Variants in FNIP1 observed in about 807,000 individuals in gnomAD.
FNIP1 encodes the protein folliculin-interacting protein 1.
FNIP1 carries 40 observed loss-of-function variants against 124.5 expected under a neutral mutation model. The observed-to-expected ratio is 0.32, with a 90% confidence interval of 0.25 to 0.42. The LOEUF is 0.42. Ranked by LOEUF, FNIP1 falls within the 10% of genes least tolerant of loss-of-function variation. The probability of loss-of-function intolerance (pLI) is 1.00; values close to 1 mark genes in which losing one functional copy is unlikely to be tolerated. For synonymous variants in FNIP1, 472 were observed against 470.6 expected (o/e 1.00, Z -0.04); for missense variants, 1,176 against 1,403.7 (o/e 0.84, Z 2.59).
chr5:131,674,082 G>GT (rs1045348496), intron 13 of FNIP1, among the ~76,000 whole-genome samples: 2 of 151,762 alleles, frequency 1.3e-5, no homozygotes, highest in African/African-American at 4.8e-5. Flanking sequence ...AAATAAAAAA[G>GT]TAAGTCATAT....
chr5:131,758,839 G>A (rs576517421), intron 1 of FNIP1, among the ~76,000 whole-genome samples: 19 of 152,024 alleles, frequency 1.2e-4, no homozygotes, highest in Non-Finnish European at 2.4e-4. Context: ...TTCTCAATGC[G>A]GGCAAGATCA....
At position 131,698,933 on chromosome 5, in the gene FNIP1, C is replaced by A. The variant is rs924659696; in HGVS notation, c.1186G>T (p.Ala396Ser). 1.9e-6 allele frequency: 3 copies of A among 1,610,580 alleles called. No individual in the cohort carries two copies. Among genetic ancestry groups the A allele is most frequent in the Admixed American group, 1.7e-5 (1 of 59,236 alleles). The change falls in exon 11 of 18, where the codon GCC (alanine) becomes TCC (serine). Residue 396 changes from alanine to serine, a missense_variant. Coordinates refer to ENST00000510461, the MANE Select transcript of FNIP1 (RefSeq NM_133372.3). ...RSLAYNRIVD[A>S]LNEFRTTICN... is the part of the protein sequence containing the mutation. ...AATATGTACCTGAATTCATTTAGGG[C>A]ATCAACTATTCGATTATATGCCAAA...
chr5:131,704,208 C>A lies in FNIP1; in HGVS notation c.973G>T (p.Val325Leu). ...CCAATTGCAATCTTCTTTTTCCGCA[C>A]AATTCCTGGGTTAGGGCCACAGCTT... is the stretch of plus-strand genomic sequence containing the variant. ...DESCGPNPGI[V>L]RKKKIAIGVI... Residue 325 changes from valine to leucine, a missense_variant, in exon 10 of 18, where the codon GTG becomes TTG. Val to Leu is a conservative substitution (Grantham distance 32). Transcript: ENST00000510461. 1 of 1,613,750 alleles carries A rather than the reference C, an allele frequency of 6.2e-7. No individual in the cohort carries two copies. Among genetic ancestry groups the A allele is most frequent in the Non-Finnish European group, 8.5e-7 (1 of 1,179,794 alleles).
At position 131,796,952 on chromosome 5, in the gene FNIP1, C is replaced by A; in HGVS notation, c.-31G>T. ...CCACGGCCAGGCAGGGGTCGCTCCG[C>A]TGGGCGCTTGCTAGGCCCCTGCTCC... On this transcript the variant is annotated 5_prime_UTR_variant, in exon 1 of 18. Transcript: ENST00000510461. The A allele has an allele frequency of 6.4e-7, 1 of 1,569,468 alleles. No homozygotes were observed. The highest frequency in any genetic ancestry group is 8.6e-7 in the Non-Finnish European group (1 of 1,156,414).
At chr5:131,719,255 T>C in intron 4 of FNIP1, 62 bp downstream of exon 4, 1 of 1,464,986 alleles carries the variant, frequency 6.8e-7, no homozygotes, top group Non-Finnish European at 9.3e-7. Flanking sequence ...TAAAATTCTC[T>C]CTAAAAAAAC....
chr5:131,649,885 C>T (rs1182217226), intron 16 of FNIP1, among the ~76,000 whole-genome samples: 1 of 152,094 alleles, frequency 6.6e-6, no homozygotes, highest in African/African-American at 2.4e-5. Flanking sequence ...GACTCCTTTC[C>T]CTGTTGAATG....
intron 1 of FNIP1, among the ~76,000 whole-genome samples, chr5:131,757,906 G>A (rs1580814843): frequency 6.6e-6 from 1 of 152,138 alleles, no homozygotes; most frequent in East Asian, 1.9e-4. Flanking sequence ...GACATCCCTA[G>A]AGTCATAAAC....
intron 1 of FNIP1, among the ~76,000 whole-genome samples, chr5:131,777,049 T>C (rs180788628): frequency 4.0e-4 from 61 of 152,098 alleles, no homozygotes; most frequent in Middle Eastern, 3.4e-3. Context: ...CGAAGCAACA[T>C]AGCGAGACTC....
intron 1 of FNIP1, among the ~76,000 whole-genome samples, chr5:131,762,527 G>A (rs12654983): frequency 0.08 from 12,141 of 152,076 alleles, 641 homozygotes; most frequent in East Asian, 0.19. Context: ...TCAGAGAAAC[G>A]CAAATCAAAA....
At chr5:131,751,571 G>GAA (rs547210498) in intron 1 of FNIP1, among the ~76,000 whole-genome samples, 23 of 126,826 alleles carry the variant, frequency 1.8e-4, no homozygotes, top group East Asian at 6.8e-4. Flanking sequence ...TCCACAATCT[G>GAA]AAAAAAAAAA....
At chr5:131,725,558 C>A (rs1769832052) in intron 3 of FNIP1, among the ~76,000 whole-genome samples, 1 of 152,180 alleles carries the variant, frequency 6.6e-6, no homozygotes, top group African/African-American at 2.4e-5. Context: ...TATCTTGAGA[C>A]TTTGCTGAAG....
At chr5:131,752,186 G>A (rs994761097) in intron 1 of FNIP1, among the ~76,000 whole-genome samples, 25 of 152,138 alleles carry the variant, frequency 1.6e-4, no homozygotes, top group African/African-American at 5.8e-4. Context: ...TGGGACTACA[G>A]GTGCCAGCCA....
chr5:131,753,329 T>C (rs1770943467), intron 1 of FNIP1, among the ~76,000 whole-genome samples: 1 of 152,158 alleles, frequency 6.6e-6, no homozygotes, highest in African/African-American at 2.4e-5. Context: ...CTCACAGAAA[T>C]GTTCACTGCA....
At chr5:131,659,025 C>G (rs1486293869) in intron 15 of FNIP1, among the ~76,000 whole-genome samples, 4 of 150,692 alleles carry the variant, frequency 2.7e-5, no homozygotes, top group Non-Finnish European at 4.4e-5. Flanking sequence ...AAGGGTGAAA[C>G]GCGACTAAGT....
At chr5:131,645,295 G>A (rs1215084583) in intron 17 of FNIP1, among the ~76,000 whole-genome samples, 4 of 138,122 alleles carry the variant, frequency 2.9e-5, no homozygotes. Context: ...GGGCAACAGA[G>A]CAAGACCCTG....
At chr5:131,677,623 T>C in intron 13 of FNIP1, 80 bp downstream of exon 13, 1 of 1,318,010 alleles carries the variant, frequency 7.6e-7, no homozygotes, top group Non-Finnish European at 1.0e-6. Flanking sequence ...ATTTTATTTA[T>C]TTTTGGTTTT....
chr5:131,670,198 A>C (rs1767710404), intron 15 of FNIP1, among the ~76,000 whole-genome samples: 1 of 152,248 alleles, frequency 6.6e-6, no homozygotes, highest in African/African-American at 2.4e-5. Context: ...CAAATTTTTG[A>C]TACTATAAAT....
At chr5:131,761,512 A>T (rs1240680168) in intron 1 of FNIP1, among the ~76,000 whole-genome samples, 1 of 152,188 alleles carries the variant, frequency 6.6e-6, no homozygotes, top group African/African-American at 2.4e-5. Flanking sequence ...AAGTAATCCC[A>T]ATTACAGTAA....
intron 1 of FNIP1, among the ~76,000 whole-genome samples, chr5:131,788,123 A>G (rs1452069104): frequency 6.6e-6 from 1 of 152,202 alleles, no homozygotes. Context: ...TGAAGCTACT[A>G]AGAATCTGAA....
Sources: gnomAD v4.1 joint callset for allele counts (sites outside exome capture counted in the v4.1 genomes callset) on GRCh38, gnomAD v4.1.1 for gene constraint, MANE v1.5 for transcripts, NCBI Gene and HGNC (gene_info 2026-07-23, HGNC 2026-07-21) for gene names.